The following NAALADL2 variants were observed in gnomAD, a reference collection of about 807,000 sequenced individuals.
NAALADL2 encodes the protein N-acetylated alpha-linked acidic dipeptidase like 2.
A neutral mutation model predicts 87.2 loss-of-function variants in NAALADL2; 76 were observed. The ratio of observed to expected loss-of-function variants is 0.87; its 90% CI spans 0.72 to 1.05. NAALADL2 has a LOEUF of 1.05. Among genes scored for constraint, NAALADL2 ranks in the 50% least tolerant of loss-of-function variants. NAALADL2 has a pLI of 0.00. For synonymous variants in NAALADL2, 354 were observed against 331.0 expected (o/e 1.07, Z -0.75); for missense variants, 1,089 against 945.8 (o/e 1.15, Z -1.99).
intron 2 of NAALADL2, among the ~76,000 whole-genome samples, chr3:175,114,482 T>A (rs910327066): frequency 6.6e-6 from 1 of 151,670 alleles, no homozygotes; most frequent in Non-Finnish European, 1.5e-5. Flanking sequence ...TATCTTTTAT[T>A]GTCCTAAATA....
Position 174,714,311 on chromosome 3 carries a change from A to G in NAALADL2, c.-114-23330A>G, listed in dbSNP as rs1235430689. 3.9e-5 allele frequency among the ~76,000 whole-genome samples: 6 copies of G among 152,256 alleles called. No homozygotes were observed. The South Asian group carries it at 1.2e-3, about 32-fold the overall frequency. ...TCTTTTTTGGTTCCATATGAACTTT[A>G]AAGTAGTTTTTTCCAATTCTGTGAA... On this transcript the variant is annotated intron_variant, in intron 2 of 3. Coordinates refer to the NAALADL2 transcript ENST00000434257.
intron 1 of NAALADL2, among the ~76,000 whole-genome samples, chr3:174,508,114 GTTTTT>G (rs1311325384): frequency 1.1e-4 from 11 of 103,900 alleles, no homozygotes; most frequent in South Asian, 3.8e-4. Context: ...ATATCTAGTG[GTTTTT>G]TTTTTTTTTT....
intron 3 of NAALADL2, among the ~76,000 whole-genome samples, chr3:174,850,962 T>A (rs1362782614): frequency 6.6e-6 from 1 of 152,048 alleles, no homozygotes; most frequent in African/African-American, 2.4e-5. Flanking sequence ...CAGAGAAACT[T>A]TGGAAACTCT....
intron 9 of NAALADL2, among the ~76,000 whole-genome samples, chr3:175,484,174 T>G (rs1726914604): frequency 6.6e-6 from 1 of 152,126 alleles, no homozygotes; most frequent in Admixed American, 6.6e-5. Context: ...ACTTTGAAAG[T>G]TTATCTGTTA....
chr3:174,464,338 G>C lies in NAALADL2; in HGVS notation c.-184+23306G>C, dbSNP rs184214559. 1.0e-4 allele frequency among the ~76,000 whole-genome samples: 15 copies of C among 146,256 alleles called. No homozygotes were observed. In the East Asian group the frequency reaches 2.7e-3, roughly 27 times the overall value. On this transcript the variant is annotated intron_variant, in intron 1 of 3. Transcript: ENST00000434257. ...TTATAGCACAAAAACTTTGCCGTAA[G>C]TTTAACTCTGAAATGATCATTTTTT...
chr3:175,518,911 G>A (rs953673684), intron 9 of NAALADL2, among the ~76,000 whole-genome samples: 1 of 152,228 alleles, frequency 6.6e-6, no homozygotes, highest in Non-Finnish European at 1.5e-5. Flanking sequence ...GTATACATAG[G>A]AGCCTTCAGA....
intron 1 of NAALADL2, among the ~76,000 whole-genome samples, chr3:174,941,633 TTC>T (rs1346334463): frequency 6.6e-6 from 1 of 152,086 alleles, no homozygotes; most frequent in Non-Finnish European, 1.5e-5. Context: ...GGGAGTCTAT[TTC>T]TCTTTTTATG....
chr3:175,608,187 T>C (rs1280050248), intron 10 of NAALADL2, among the ~76,000 whole-genome samples: 1 of 149,236 alleles, frequency 6.7e-6, no homozygotes, highest in Non-Finnish European at 1.5e-5. Context: ...CTGTGGGACA[T>C]GGCATTTAAT....
rs868431052 is a variant in NAALADL2, at chr3:175,132,306, T to G, written c.545+35015T>G. ...TCCCAGACGGGGGCAGCTGGCCGGG[T>G]GGGGCTGACCCCCCCACCTCCTTCC... On this transcript the variant is annotated intron_variant, in intron 2 of 13. Coordinates refer to ENST00000454872, the MANE Select transcript of NAALADL2 (RefSeq NM_207015.3). Among the ~76,000 whole-genome samples the G allele has an allele frequency of 1.9e-4, 3 of 15,490 alleles. 1 individual carries two copies. Among genetic ancestry groups the G allele is most frequent in the Admixed American group, 1.0e-3 (2 of 1,968 alleles). 10.2% of individuals were successfully genotyped at this position (15,490 alleles called of 152,430 possible). A position where few individuals can be genotyped will look rare whatever the true frequency, so the allele number is the denominator to read the frequency against.
intron 2 of NAALADL2, among the ~76,000 whole-genome samples, chr3:174,660,923 A>G (rs1430461047): frequency 6.6e-6 from 1 of 152,134 alleles, no homozygotes; most frequent in African/African-American, 2.4e-5. Context: ...CAGGGTTATT[A>G]ATAGGAAAGC....
chr3:175,362,714 G>A (rs1765170762), intron 5 of NAALADL2, among the ~76,000 whole-genome samples: 1 of 148,038 alleles, frequency 6.8e-6, no homozygotes, highest in South Asian at 2.2e-4. Flanking sequence ...GGGATTGTTG[G>A]ATCAAATGAT....
chr3:175,036,526 A>G (rs1171203557), intron 1 of NAALADL2, among the ~76,000 whole-genome samples: 2 of 151,828 alleles, frequency 1.3e-5, no homozygotes, highest in East Asian at 1.9e-4. Flanking sequence ...CAGCCTCCCA[A>G]ATAGCTGGGA....
At chr3:175,160,830 A>T (rs189351427) in intron 2 of NAALADL2, among the ~76,000 whole-genome samples, 1 of 152,328 alleles carries the variant, frequency 6.6e-6, no homozygotes. Flanking sequence ...AAAAGAATTT[A>T]TGCCAACTTG....
intron 3 of NAALADL2, among the ~76,000 whole-genome samples, chr3:174,740,456 TTTAA>T (rs1467344357): frequency 6.6e-6 from 1 of 151,986 alleles, no homozygotes. Context: ...AAATGAAGTG[TTTAA>T]TTAAAATCAA....
chr3:174,898,492 T>C (rs918048713), intron 1 of NAALADL2, among the ~76,000 whole-genome samples: 16 of 152,032 alleles, frequency 1.1e-4, no homozygotes, highest in African/African-American at 3.6e-4. Context: ...TTTAAAATAA[T>C]GTGAAGAATA....
chr3:174,706,911 C>A lies in NAALADL2; in HGVS notation c.-114-30730C>A, dbSNP rs376099352. Among the ~76,000 whole-genome samples the A allele has an allele frequency of 9.7e-4, 148 of 152,240 alleles. 2 individuals carry two copies. The South Asian group carries it at 0.014, about 15-fold the overall frequency. On this transcript the variant is annotated intron_variant, in intron 2 of 3. Coordinates refer to the NAALADL2 transcript ENST00000434257. Reference sequence around the variant, plus strand: ...AATAGGGAATCCTTTCCCCATTTCTCATTTTTGTCAGGTTTGTCAAGAACT... The same window carrying A: ...AATAGGGAATCCTTTCCCCATTTCTAATTTTTGTCAGGTTTGTCAAGAACT...
chr3:174,990,756 T>C (rs1025127984), intron 1 of NAALADL2, among the ~76,000 whole-genome samples: 1 of 152,186 alleles, frequency 6.6e-6, no homozygotes, highest in African/African-American at 2.4e-5. Context: ...TTTGAATCAC[T>C]TGGGGAGCTT....
intron 10 of NAALADL2, among the ~76,000 whole-genome samples, chr3:175,599,265 A>G (rs1722641311): frequency 6.6e-6 from 1 of 152,276 alleles, no homozygotes; most frequent in South Asian, 2.1e-4. Context: ...TATTAATTCC[A>G]TAGTCCCAAT....
At chr3:174,494,483 G>GGGAGGGA (rs1475458229) in intron 1 of NAALADL2, among the ~76,000 whole-genome samples, 1 of 142,970 alleles carries the variant, frequency 7.0e-6, no homozygotes, top group African/African-American at 2.6e-5. Flanking sequence ...CTGGGGTGGG[G>GGGAGGGA]GGAGGGAGGA....
Sources: gnomAD v4.1 joint callset for allele counts (sites outside exome capture counted in the v4.1 genomes callset) on GRCh38, gnomAD v4.1.1 for gene constraint, MANE v1.5 for transcripts, NCBI Gene and HGNC (gene_info 2026-07-23, HGNC 2026-07-21) for gene names.